Variants in ADGRL3 observed in about 807,000 individuals in gnomAD.
ADGRL3 encodes calcium-independent alpha-latrotoxin receptor 3.
In ADGRL3, 62 loss-of-function variants were observed where a neutral mutation model predicts 153.5. That is an observed-to-expected ratio of 0.40 (90% CI 0.33 to 0.50). ADGRL3 has a LOEUF of 0.50. Among genes scored for constraint, ADGRL3 ranks in the 20% least tolerant of loss-of-function variants. The probability of loss-of-function intolerance (pLI) is 0.47; values close to 1 mark genes in which losing one functional copy is unlikely to be tolerated. For synonymous variants in ADGRL3, 710 were observed against 672.5 expected (o/e 1.06, Z -0.86); for missense variants, 1,641 against 1,859.4 (o/e 0.88, Z 2.16).
At chr4:61,462,533 A>G (rs910692612) in intron 2 of ADGRL3, among the ~76,000 whole-genome samples, 6 of 152,184 alleles carry the variant, frequency 3.9e-5, no homozygotes, top group Non-Finnish European at 8.8e-5. Context: ...TCTTGTTCAC[A>G]TGAGTCAGCA....
intron 6 of ADGRL3, among the ~76,000 whole-genome samples, chr4:61,710,477 C>G (rs2095951584): frequency 6.6e-6 from 1 of 152,156 alleles, no homozygotes; most frequent in Non-Finnish European, 1.5e-5. Flanking sequence ...TGTCTTTTAC[C>G]TGAATAATGG....
chr4:61,730,681 G>T, intron 7 of ADGRL3, 45 bp downstream of exon 7: 1 of 453,018 alleles, frequency 2.2e-6, no homozygotes, highest in East Asian at 3.8e-5. Flanking sequence ...TATAGGCTAA[G>T]TTATTTAACA....
intron 21 of ADGRL3, among the ~76,000 whole-genome samples, chr4:62,003,348 C>G (rs563314689): frequency 4.6e-5 from 7 of 151,900 alleles, no homozygotes; most frequent in Non-Finnish European, 1.0e-4. Context: ...ACACCTTTTA[C>G]TTTTTTTTCT....
chr4:61,366,358 C>T (rs1208717377), intron 1 of ADGRL3, among the ~76,000 whole-genome samples: 2 of 152,164 alleles, frequency 1.3e-5, no homozygotes, highest in Non-Finnish European at 2.9e-5. Context: ...GGAGTATAGC[C>T]TGACATCCTG....
chr4:61,871,027 C>T (rs1394338088), intron 9 of ADGRL3, among the ~76,000 whole-genome samples: 3 of 152,204 alleles, frequency 2.0e-5, no homozygotes, highest in South Asian at 2.1e-4. Context: ...GCCTGTAATC[C>T]CAGCTCTTTG....
intron 21 of ADGRL3, among the ~76,000 whole-genome samples, chr4:62,002,523 G>C (rs2151114302): frequency 6.6e-6 from 1 of 150,890 alleles, no homozygotes; most frequent in South Asian, 2.1e-4. Flanking sequence ...ACATTTAATT[G>C]GTTGGCTCAT....
At chr4:61,554,397 T>C (rs1204476902) in intron 4 of ADGRL3, among the ~76,000 whole-genome samples, 1 of 152,000 alleles carries the variant, frequency 6.6e-6, no homozygotes, top group Non-Finnish European at 1.5e-5. Context: ...GGTTTCACAA[T>C]GTTGGTCAGG....
intron 1 of ADGRL3, among the ~76,000 whole-genome samples, chr4:61,204,363 C>T (rs1390475458): frequency 6.6e-6 from 1 of 152,114 alleles, no homozygotes; most frequent in Non-Finnish European, 1.5e-5. Flanking sequence ...CTAGATGATA[C>T]GTATTAAAGT....
chr4:61,311,506 C>T (rs2095006240), intron 1 of ADGRL3, among the ~76,000 whole-genome samples: 1 of 152,214 alleles, frequency 6.6e-6, no homozygotes, highest in Non-Finnish European at 1.5e-5. Context: ...GCTACACTGT[C>T]TCTGCCATAG....
chr4:61,556,144 T>C (rs10023817), intron 4 of ADGRL3, among the ~76,000 whole-genome samples: 50,393 of 151,962 alleles, frequency 0.33, 8,960 homozygotes, highest in East Asian at 0.55. Flanking sequence ...AATAGAAGTA[T>C]GAAAATATTG....
intron 1 of ADGRL3, among the ~76,000 whole-genome samples, chr4:61,349,772 A>G (rs893215338): frequency 1.3e-5 from 2 of 152,156 alleles, no homozygotes; most frequent in Non-Finnish European, 2.9e-5. Context: ...TGCGGGGCCT[A>G]TAAAGCCTTC....
At chr4:61,233,038 A>G (rs541377722) in intron 1 of ADGRL3, among the ~76,000 whole-genome samples, 3 of 152,280 alleles carry the variant, frequency 2.0e-5, no homozygotes, top group East Asian at 1.9e-4. Context: ...GAATATTTGT[A>G]TAGATTTATC....
rs57875464 is a variant in ADGRL3, at chr4:61,450,168, G to A, written c.-173-46953G>A. The stretch of plus-strand genomic sequence containing the variant: ...AGAGACTACATTTATGATTTTAATA[G>A]GCTATAAAGTAATTTTAGAAAATTA... On this transcript the variant is annotated intron_variant, in intron 2 of 26. Coordinates refer to ENST00000683033, the MANE Select transcript of ADGRL3 (RefSeq NM_001387552.1). 3.2e-3 allele frequency among the ~76,000 whole-genome samples: 484 copies of A among 152,150 alleles called. 1 individual carries two copies. The highest frequency in any genetic ancestry group is 0.01 in the Middle Eastern group (3 of 292).
intron 4 of ADGRL3, among the ~76,000 whole-genome samples, chr4:61,573,767 A>T (rs1395043080): frequency 6.6e-6 from 1 of 152,008 alleles, no homozygotes; most frequent in South Asian, 2.1e-4. Context: ...ATATTCAATA[A>T]ATAAGGCTAC....
intron 23 of ADGRL3, among the ~76,000 whole-genome samples, chr4:62,036,281 CT>C (rs1405056222): frequency 7.2e-5 from 11 of 151,992 alleles, no homozygotes; most frequent in Admixed American, 6.6e-4. Flanking sequence ...CTCTTTTCCC[CT>C]GTCCTTTATT....
chr4:61,744,689 G>A lies in ADGRL3; in HGVS notation c.1399+11135G>A, dbSNP rs2096630685. ...AGAAGGAAAACTAACAAACAGAAAG[G>A]ACATCCACACCAAAAAACCATCTGT... On this transcript the variant is annotated intron_variant, in intron 8 of 26. Transcript: ENST00000683033. 2.0e-5 allele frequency among the ~76,000 whole-genome samples: 3 copies of A among 152,246 alleles called. No homozygotes were observed. In the South Asian group the frequency reaches 6.2e-4, roughly 32 times the overall value.
intron 13 of ADGRL3, among the ~76,000 whole-genome samples, chr4:61,931,206 T>A (rs2098816177): frequency 6.6e-6 from 1 of 152,158 alleles, no homozygotes. Flanking sequence ...TACTCTCCAA[T>A]TCCTCAAAGC....
chr4:61,374,532 T>G (rs1463809882), intron 1 of ADGRL3, among the ~76,000 whole-genome samples: 1 of 152,136 alleles, frequency 6.6e-6, no homozygotes, highest in East Asian at 1.9e-4. Context: ...AAGCACATTT[T>G]TAAGACCTCA....
intron 9 of ADGRL3, among the ~76,000 whole-genome samples, chr4:61,824,289 C>T (rs1231419112): frequency 2.0e-5 from 3 of 151,920 alleles, no homozygotes; most frequent in Non-Finnish European, 4.4e-5. Context: ...CTAGTGCCAC[C>T]CTTTACCTTT....
Sources: gnomAD v4.1 joint callset for allele counts (sites outside exome capture counted in the v4.1 genomes callset) on GRCh38, gnomAD v4.1.1 for gene constraint, MANE v1.5 for transcripts, NCBI Gene and HGNC (gene_info 2026-07-23, HGNC 2026-07-21) for gene names.